Variants in PIGS observed in about 807,000 individuals in gnomAD.
The protein encoded by PIGS is phosphatidylinositol glycan anchor biosynthesis class S.
A neutral mutation model predicts 58.2 loss-of-function variants in PIGS; 37 were observed. The observed-to-expected ratio is 0.64, with a 90% confidence interval of 0.49 to 0.84. The LOEUF is 0.84. Ranked by LOEUF, PIGS falls within the 40% of genes least tolerant of loss-of-function variation. The probability of loss-of-function intolerance (pLI) is 0.00; values close to 1 mark genes in which losing one functional copy is unlikely to be tolerated. For synonymous variants in PIGS, 269 were observed against 289.2 expected, an observed-to-expected ratio of 0.93 and a Z score of 0.71; for missense variants, 629 against 710.8, an observed-to-expected ratio of 0.88 and a Z score of 1.31.
intron 3 of PIGS, among the ~76,000 whole-genome samples, chr17:28,565,658 G>A (rs1268141148): frequency 6.6e-6 from 1 of 152,196 alleles, no homozygotes; most frequent in Non-Finnish European, 1.5e-5. Context: ...AGGGTCCGAG[G>A]TGGGAAGATT....
chr17:28,563,574 C>T, intron 4 of PIGS, 52 bp from the exon 5 acceptor site: 2 of 1,534,548 alleles, frequency 1.3e-6, no homozygotes, highest in Non-Finnish European at 1.8e-6. Context: ...TTCCATCTCC[C>T]CCCAGCCCCA....
intron 3 of PIGS, among the ~76,000 whole-genome samples, chr17:28,569,816 T>A (rs1198873388): frequency 6.6e-6 from 1 of 152,214 alleles, no homozygotes; most frequent in Non-Finnish European, 1.5e-5. Context: ...AAAATGGGGA[T>A]CATATCATTA....
intron 3 of PIGS, among the ~76,000 whole-genome samples, chr17:28,566,507 T>C (rs1159326841): frequency 3.3e-5 from 5 of 151,724 alleles, no homozygotes; most frequent in Non-Finnish European, 5.9e-5. Context: ...AGCAGGCTGG[T>C]CTTGAACTCC....
intron 9 of PIGS, 72 bp from the exon 10 acceptor site, chr17:28,556,338 G>A: frequency 8.5e-7 from 1 of 1,173,476 alleles, no homozygotes; most frequent in Non-Finnish European, 1.3e-6. Flanking sequence ...GCACTCTGGA[G>A]AGAAAAGGAA....
intron 6 of PIGS, chr17:28,560,431 GCCAGCACTTCAAGA>G: frequency 2.2e-6 from 1 of 454,662 alleles, no homozygotes; most frequent in South Asian, 2.7e-5. Flanking sequence ...ATCACTTGAG[GCCAGCACTTCAAGA>G]CCAGCCTGGC....
intron 7 of PIGS, among the ~76,000 whole-genome samples, chr17:28,558,833 A>G (rs909186007): frequency 6.6e-5 from 10 of 152,246 alleles, no homozygotes; most frequent in African/African-American, 2.4e-4. Flanking sequence ...ACACAAAGAG[A>G]GAAACAAAGA....
intron 7 of PIGS, among the ~76,000 whole-genome samples, chr17:28,559,140 C>T (rs1478459554): frequency 6.6e-6 from 1 of 151,862 alleles, no homozygotes; most frequent in African/African-American, 2.4e-5. Context: ...CCACCATGCC[C>T]AGCTAATTTT....
chr17:28,554,769 C>T (rs2070315168), intron 11 of PIGS, 82 bp downstream of exon 11: 1 of 1,544,052 alleles, frequency 6.5e-7, no homozygotes, highest in African/African-American at 1.4e-5. Context: ...ATGGACCTCA[C>T]AGGCTCTCTG....
At chr17:28,561,399 T>C (rs1263736876) in intron 6 of PIGS, 23 bp downstream of exon 6, 16 of 1,612,560 alleles carry the variant, frequency 9.9e-6, no homozygotes, top group Non-Finnish European at 1.4e-5. Context: ...TCTCCCTTCA[T>C]GTGGCAGAGC....
chr17:28,561,427 C>T lies in PIGS; in HGVS notation c.671G>A (p.Ser224Asn). 6.2e-7 allele frequency: 1 copy of T among 1,613,908 alleles called. No individual in the cohort carries two copies. The highest frequency in any genetic ancestry group is 1.1e-5 in the South Asian group (1 of 91,074). Residue 224 changes from serine (S) to asparagine (N), a missense_variant, in exon 6 of 12, where the codon AGC becomes AAC. Transcript: ENST00000308360. ...GGCAGAGCCTGGTGCCCTACCCAAG[C>T]TGGACTTGAGAGGCCGCCTCTTCTC... ...SAEKRRPLKS[S>N]LGYEITFSLL...
intron 5 of PIGS, chr17:28,561,857 G>A (rs1307996266): frequency 6.2e-6 from 3 of 483,626 alleles, no homozygotes; most frequent in Non-Finnish European, 1.1e-5. Context: ...GGTCCAGGCA[G>A]CATCTAACTC....
chr17:28,559,699 CAAAAAAAA>C lies in PIGS; in HGVS notation c.819+342_819+349del, dbSNP rs761803589. The stretch of plus-strand genomic sequence containing the variant: ...CTGGTAATAGAACAAGACTCTGTCT[CAAAAAAAA>C]AAAAAAAAAAAAAAAGATGGGTCAT... On this transcript the variant is annotated intron_variant, in intron 7 of 11. Transcript: ENST00000308360. Among the ~76,000 whole-genome samples the C allele has an allele frequency of 1.1e-3, 52 of 45,728 alleles. 1 individual carries two copies. The Middle Eastern group carries it at 0.033, about 29-fold the overall frequency. 30.0% of individuals were successfully genotyped at this position (45,728 alleles called of 152,430 possible).
chr17:28,571,394 A>C, intron 1 of PIGS, 69 bp downstream of exon 1: 1 of 1,580,258 alleles, frequency 6.3e-7, no homozygotes, highest in Non-Finnish European at 8.6e-7. Context: ...GCACACCACA[A>C]TCCCCACCCC....
At chr17:28,563,560 A>C in intron 4 of PIGS, 38 bp from the exon 5 acceptor site, 1 of 1,569,570 alleles carries the variant, frequency 6.4e-7, no homozygotes, top group Non-Finnish European at 8.8e-7. Flanking sequence ...AGAGCAAAAC[A>C]CCATTCCATC....
chr17:28,569,332 T>G (rs969700702), intron 3 of PIGS, among the ~76,000 whole-genome samples: 2 of 150,868 alleles, frequency 1.3e-5, no homozygotes, highest in African/African-American at 2.4e-5. Context: ...CAGCTGGGTG[T>G]GATGGTGTGC....
At chr17:28,563,328 T>C (rs752969413) in intron 5 of PIGS, 103 bp downstream of exon 5, 18 of 1,051,030 alleles carry the variant, frequency 1.7e-5, no homozygotes, top group Non-Finnish European at 2.6e-5. Flanking sequence ...GAGTTTTCTG[T>C]AGCAAATGGA....
intron 9 of PIGS, chr17:28,556,597 G>T: frequency 1.4e-6 from 1 of 698,866 alleles, no homozygotes; most frequent in Non-Finnish European, 2.5e-6. Flanking sequence ...GACACAGAAT[G>T]ATCCTAGGTA....
intron 3 of PIGS, among the ~76,000 whole-genome samples, chr17:28,567,840 G>C (rs1230753725): frequency 6.6e-6 from 1 of 152,166 alleles, no homozygotes; most frequent in African/African-American, 2.4e-5. Flanking sequence ...GATTCTCACT[G>C]CTCCTGAAAG....
In PIGS at chr17:28,563,874, G is replaced by A. The variant is rs778707197; in HGVS notation, c.320C>T (p.Ala107Val). 1.1e-5 allele frequency: 17 copies of A among 1,614,140 alleles called. No individual in the cohort carries two copies. The South Asian group carries it at 1.4e-4, about 14-fold the overall frequency. The change falls in exon 4 of 12, where the codon GCC becomes GTC. Residue 107 changes from alanine (A) to valine (V), a missense_variant. By Grantham distance (64) the Ala-to-Val change is moderately conservative. Transcript: ENST00000308360. ...CTCATGGTCCAAAGCCCTCCGATAG[G>A]CCTTCTGGAAACGGCATTTGATTTT... is the stretch of plus-strand genomic sequence containing the variant. ...KMKIKCRFQK[A>V]YRRALDHEEE...
Sources: gnomAD v4.1 joint callset for allele counts (sites outside exome capture counted in the v4.1 genomes callset) on GRCh38, gnomAD v4.1.1 for gene constraint, MANE v1.5 for transcripts, NCBI Gene and HGNC (gene_info 2026-07-23, HGNC 2026-07-21) for gene names.